The following SPRED2 variants were observed in gnomAD, a reference collection of about 807,000 sequenced individuals.
The protein encoded by SPRED2 is sprouty-related, EVH1 domain-containing protein 2.
SPRED2 carries 47 observed loss-of-function variants against 43.0 expected under a neutral mutation model. That is an observed-to-expected ratio of 1.09 (90% CI 0.87 to 1.40). SPRED2 has a LOEUF of 1.40. SPRED2 is among the 40% of genes most tolerant of loss of function. The pLI, the probability that SPRED2 is intolerant of heterozygous loss-of-function variation, is 0.00. For missense variants in SPRED2, 561 were observed against 586.4 expected (o/e 0.96, Z 0.45); for synonymous variants, 225 against 225.7 (o/e 1.00, Z 0.03).
chr2:65,387,554 T>G (rs1675529041), intron 1 of SPRED2, among the ~76,000 whole-genome samples: 1 of 152,222 alleles, frequency 6.6e-6, no homozygotes, highest in South Asian at 2.1e-4. Context: ...TAAATTATTT[T>G]GGAAGTAACT....
chr2:65,421,818 T>C (rs193184322), intron 1 of SPRED2, among the ~76,000 whole-genome samples: 15 of 152,286 alleles, frequency 9.8e-5, no homozygotes, highest in African/African-American at 3.6e-4. Context: ...AACAGTAATA[T>C]AAACCAAGCT....
chr2:65,385,948 T>C (rs1675486381), intron 1 of SPRED2, among the ~76,000 whole-genome samples: 1 of 152,068 alleles, frequency 6.6e-6, no homozygotes, highest in Non-Finnish European at 1.5e-5. Context: ...ATCATGCCCA[T>C]GGGAGATGGT....
At chr2:65,374,810 C>T (rs995307674) in intron 1 of SPRED2, among the ~76,000 whole-genome samples, 2 of 152,236 alleles carry the variant, frequency 1.3e-5, no homozygotes, top group Admixed American at 6.5e-5. Flanking sequence ...TGGGGCCCAA[C>T]TTCCTGCCCA....
chr2:65,382,301 T>TATG (rs1220291169), intron 1 of SPRED2, among the ~76,000 whole-genome samples: 4 of 151,682 alleles, frequency 2.6e-5, no homozygotes, highest in Middle Eastern at 3.4e-3. Context: ...GGAAGAAGGC[T>TATG]ACGAAGAAGA....
chr2:65,332,113 T>TA, intron 3 of SPRED2, 62 bp from the exon 4 acceptor site: 1 of 1,070,342 alleles, frequency 9.3e-7, no homozygotes, highest in Non-Finnish European at 1.4e-6. Flanking sequence ...TCCAACCGTT[T>TA]AAAAAAGTAT....
chr2:65,314,442 C>T (rs1215344724), intron 5 of SPRED2, among the ~76,000 whole-genome samples: 1 of 152,142 alleles, frequency 6.6e-6, no homozygotes, highest in Non-Finnish European at 1.5e-5. Flanking sequence ...TTTCTGGTGA[C>T]GCACTGCCAT....
chr2:65,328,403 C>T (rs780147469), intron 4 of SPRED2, among the ~76,000 whole-genome samples: 6 of 152,166 alleles, frequency 3.9e-5, no homozygotes, highest in Admixed American at 2.0e-4. Context: ...TGAAAGGCAG[C>T]AAGCAGTTTA....
rs544843663 is a variant in SPRED2 at position 65,333,928 on chromosome 2, T to C, written c.373+677A>G. The stretch of plus-strand genomic sequence containing the variant: ...TTTGGTATTAACATGCCTTGCTTGA[T>C]ATTTCTTTCTTCACAGGGCCCTGTC... On this transcript the variant is annotated intron_variant, in intron 3 of 5. Coordinates refer to ENST00000356388, the MANE Select transcript of SPRED2 (RefSeq NM_181784.3). 3.9e-5 allele frequency among the ~76,000 whole-genome samples: 6 copies of C among 152,362 alleles called. No homozygotes were observed. The South Asian group carries it at 1.2e-3, about 32-fold the overall frequency.
chr2:65,316,692 G>T, intron 5 of SPRED2, 42 bp downstream of exon 5: 1 of 1,575,986 alleles, frequency 6.3e-7, no homozygotes, highest in East Asian at 2.3e-5. Flanking sequence ...AGAATCAGAG[G>T]CACCACCCTG....
Position 65,312,576 on chromosome 2 carries a change from A to C in SPRED2, c.*925T>G, listed in dbSNP as rs1673099391. The C allele has an allele frequency of 4.1e-6, 4 of 985,528 alleles. No individual in the cohort carries two copies. Among genetic ancestry groups the C allele is most frequent in the Non-Finnish European group, 4.8e-6 (4 of 829,916 alleles). 61.0% of individuals were successfully genotyped at this position (985,528 alleles called of 1,614,324 possible). On this transcript the variant is annotated 3_prime_UTR_variant, in exon 6 of 6. Transcript: ENST00000356388. ...ATTTGGTTTGCAAAACAACAAGCAA[A>C]ATTTCTTACTTCACTAGTATCCTAT...
intron 1 of SPRED2, among the ~76,000 whole-genome samples, chr2:65,427,344 T>C (rs1177678701): frequency 6.6e-6 from 1 of 152,192 alleles, no homozygotes; most frequent in Non-Finnish European, 1.5e-5. Flanking sequence ...TCCAGTAGTG[T>C]GGGGATTTTC....
chr2:65,402,278 CAAAAAAAA>C (rs58209803), intron 1 of SPRED2, among the ~76,000 whole-genome samples: 2 of 64,404 alleles, frequency 3.1e-5, no homozygotes, highest in Non-Finnish European at 5.1e-5. Context: ...GACTCTGTCT[CAAAAAAAA>C]AAAAAAAAAA....
At chr2:65,388,444 T>C (rs1226998683) in intron 1 of SPRED2, among the ~76,000 whole-genome samples, 1 of 152,158 alleles carries the variant, frequency 6.6e-6, no homozygotes, top group African/African-American at 2.4e-5. Flanking sequence ...CTGCTCCTAC[T>C]TGATCCTGGG....
At chr2:65,380,379 C>A (rs1437993735) in intron 1 of SPRED2, among the ~76,000 whole-genome samples, 1 of 152,140 alleles carries the variant, frequency 6.6e-6, no homozygotes, top group Non-Finnish European at 1.5e-5. Flanking sequence ...AAAGCTTTTG[C>A]CCCAGGAGAC....
chr2:65,416,447 G>C (rs1025501093), intron 1 of SPRED2, among the ~76,000 whole-genome samples: 1 of 151,392 alleles, frequency 6.6e-6, no homozygotes, highest in Non-Finnish European at 1.5e-5. Flanking sequence ...TCCTGAACAA[G>C]AGAGTGTGGA....
intron 1 of SPRED2, among the ~76,000 whole-genome samples, chr2:65,431,716 C>A (rs1037023978): frequency 6.6e-6 from 1 of 152,142 alleles, no homozygotes; most frequent in African/African-American, 2.4e-5. Flanking sequence ...GTCACCCGCA[C>A]GCCCTTGGCC....
chr2:65,317,658 C>T (rs1214265350), intron 4 of SPRED2, among the ~76,000 whole-genome samples: 1 of 151,980 alleles, frequency 6.6e-6, no homozygotes, highest in Non-Finnish European at 1.5e-5. Flanking sequence ...AAAATGAAAC[C>T]CACGTGTTTA....
chr2:65,375,301 G>A (rs762706084), intron 1 of SPRED2, among the ~76,000 whole-genome samples: 12 of 152,348 alleles, frequency 7.9e-5, no homozygotes, highest in South Asian at 6.2e-4. Context: ...AGGAAGAGGC[G>A]AAGGCTTGTA....
chr2:65,380,788 C>T (rs1275649864), intron 1 of SPRED2: 2 of 152,034 alleles, frequency 1.3e-5, no homozygotes, highest in Admixed American at 1.3e-4. Context: ...CAAATACAGA[C>T]GTATGTGTTC....
Sources: gnomAD v4.1 joint callset for allele counts (sites outside exome capture counted in the v4.1 genomes callset) on GRCh38, gnomAD v4.1.1 for gene constraint, MANE v1.5 for transcripts, NCBI Gene and HGNC (gene_info 2026-07-23, HGNC 2026-07-21) for gene names.